The following ALLC variants were observed in gnomAD, a reference collection of about 807,000 sequenced individuals.
The protein encoded by ALLC is allantoicase.
ALLC carries 40 observed loss-of-function variants against 45.0 expected under a neutral mutation model. That is an observed-to-expected ratio of 0.89 (90% CI 0.69 to 1.16). The LOEUF (loss-of-function observed/expected upper bound fraction) is 1.16, where lower values mean the gene tolerates loss of function less well. Ranked by LOEUF, ALLC falls within the 50% of genes most tolerant of loss-of-function variation. ALLC has a pLI of 0.00. For missense variants in ALLC, 488 were observed against 493.1 expected, an observed-to-expected ratio of 0.99 and a Z score of 0.10; for synonymous variants, 176 against 178.1, an observed-to-expected ratio of 0.99 and a Z score of 0.09.
In ALLC at chr2:3,678,635, G is replaced by T. The variant is rs1373538229; in HGVS notation, c.172+80G>T. On this transcript the variant is annotated intron_variant, in intron 4 of 11. Coordinates refer to ENST00000252505, the MANE Select transcript of ALLC (RefSeq NM_018436.4). ...GCAGGCTGTGGCAAAGCCAGTGTCC[G>T]TTTTGGGTCAGCTTTAACATGGGGC... 6 of 1,182,358 alleles carry T rather than the reference G, an allele frequency of 5.1e-6. No individual in the cohort carries two copies. The East Asian group carries it at 9.7e-5, about 19-fold the overall frequency. 73.2% of individuals were successfully genotyped at this position (1,182,358 alleles called of 1,614,324 possible).
chr2:3,659,613 C>T (rs1666519947), intron 1 of ALLC, among the ~76,000 whole-genome samples: 1 of 152,204 alleles, frequency 6.6e-6, no homozygotes. Context: ...GCCGAGGTCG[C>T]GTGGCTCCTT....
intron 10 of ALLC, among the ~76,000 whole-genome samples, chr2:3,700,360 C>A (rs1667792423): frequency 6.6e-6 from 1 of 152,112 alleles, no homozygotes; most frequent in African/African-American, 2.4e-5. Flanking sequence ...GGTGAAATGG[C>A]AGTTCTGGAT....
Position 3,702,448 on chromosome 2 carries a change from C to T in ALLC, c.1061C>T (p.Pro354Leu). Residue 354 changes from proline to leucine, a missense_variant, in exon 12 of 12, where the codon CCC (proline) becomes CTC (leucine). Pro to Leu is a moderately conservative substitution (Grantham distance 98). Coordinates refer to ENST00000252505, the MANE Select transcript of ALLC (RefSeq NM_018436.4). ...VITHARLTIV[P>L]DGGVSRLRLR... Reference sequence around the variant, plus strand: ...ACTCACGCCAGGCTCACCATCGTCCCCGACGGGGGAGTGAGCCGCCTTCGG... The same window carrying T: ...ACTCACGCCAGGCTCACCATCGTCCTCGACGGGGGAGTGAGCCGCCTTCGG... 6.2e-7 allele frequency: 1 copy of T among 1,612,962 alleles called. No individual in the cohort carries two copies. The highest frequency in any genetic ancestry group is 1.6e-4 in the Middle Eastern group (1 of 6,062).
At chr2:3,670,515 G>C (rs1221947663) in intron 1 of ALLC, among the ~76,000 whole-genome samples, 1 of 152,118 alleles carries the variant, frequency 6.6e-6, no homozygotes. Context: ...GCTAAGTCCC[G>C]TGTTAGGACC....
At chr2:3,657,633 C>A (rs1454882081), upstream of ALLC, among the ~76,000 whole-genome samples, 2 of 152,062 alleles carry the variant, frequency 1.3e-5, no homozygotes, top group Non-Finnish European at 2.9e-5. Context: ...TTTCTTTCTG[C>A]ATGGAAAGTT....
intron 10 of ALLC, among the ~76,000 whole-genome samples, chr2:3,699,683 A>G (rs977046280): frequency 3.3e-5 from 5 of 152,124 alleles, no homozygotes; most frequent in African/African-American, 1.2e-4. Flanking sequence ...TGATTTTTTC[A>G]TAACAGCCAT....
In ALLC at chr2:3,679,961, C is replaced by T. The variant is rs200659457; in HGVS notation, c.265C>T (p.Arg89Ter). 242 of 1,613,864 alleles carry T rather than the reference C, an allele frequency of 1.5e-4. 1 individual carries two copies. The African/African-American group carries it at 2.6e-3, about 17-fold the overall frequency. Reference sequence around the variant, plus strand: ...TTACTTCACGGGAGATTACGCTCCTCGAGTGTCCATTCAAGCAGCAAACTT... The same window carrying T: ...TTACTTCACGGGAGATTACGCTCCTTGAGTGTCCATTCAAGCAGCAAACTT... ...VSYFTGDYAPRVSIQAANLEE... is the reference protein window; with the variant it reads ...VSYFTGDYAP Residue 89 changes from arginine to a stop codon, truncating the protein, a stop_gained, in exon 5 of 12, where the codon CGA becomes TGA. Coordinates refer to ENST00000252505, the MANE Select transcript of ALLC (RefSeq NM_018436.4). LOFTEE classifies it high-confidence loss of function.
chr2:3,701,576 G>C lies in ALLC; in HGVS notation c.915G>C (p.Val305=). 1 of 1,607,762 alleles carries C rather than the reference G, an allele frequency of 6.2e-7. No homozygotes were observed. The highest frequency in any genetic ancestry group is 8.5e-7 in the Non-Finnish European group (1 of 1,177,168). ...TGACAACTCAGGAAGAAGAAGCCGT[G>C]ATCAGGCAAAAGTGGATTCTCCCGG... ...CILTTQEEEA[V]IRQKWILPAH... The change falls in exon 11 of 12, where the codon GTG becomes GTC. Residue 305 remains valine, a synonymous_variant. Coordinates refer to ENST00000252505, the MANE Select transcript of ALLC (RefSeq NM_018436.4).
At chr2:3,685,465 GAGAC>G (rs1244707352) in intron 7 of ALLC, among the ~76,000 whole-genome samples, 5 of 150,682 alleles carry the variant, frequency 3.3e-5, no homozygotes, top group Admixed American at 6.6e-5. Context: ...GAGAGAGACA[GAGAC>G]AGACAGACAG....
In ALLC at chr2:3,685,447, C is replaced by G. The variant is rs201065451; in HGVS notation, c.511+2373C>G. Among the ~76,000 whole-genome samples the G allele has an allele frequency of 2.4e-4, 35 of 148,164 alleles. 4 individuals carry two copies. Among genetic ancestry groups the G allele is most frequent in the Non-Finnish European group, 4.8e-4 (32 of 66,464 alleles). On this transcript the variant is annotated intron_variant, in intron 7 of 11. Transcript: ENST00000252505. ...CAGGATCGAGAGAGAGAGAGAGAGA[C>G]AGAGAGAGAGAGAGACAGAGACAGA... is the stretch of plus-strand genomic sequence containing the variant.
Position 3,684,763 on chromosome 2 carries a change from G to A in ALLC, c.511+1689G>A, listed in dbSNP as rs1240461622. ...TTTTATGGCTGCATAGTATTCCATGGTATATGTATATATACCATATTTTCT... is the reference window on the plus strand; with the variant it reads ...TTTTATGGCTGCATAGTATTCCATGATATATGTATATATACCATATTTTCT... On this transcript the variant is annotated intron_variant, in intron 7 of 11. Transcript: ENST00000252505. Among the ~76,000 whole-genome samples, 3 of 151,894 alleles carry A rather than the reference G, an allele frequency of 2.0e-5. No homozygotes were observed. The South Asian group carries it at 6.2e-4, about 32-fold the overall frequency.
intron 3 of ALLC, 150 bp from the exon 4 acceptor site, chr2:3,678,317 AG>A (rs1483238652): frequency 6.6e-6 from 4 of 610,570 alleles, no homozygotes; most frequent in African/African-American, 1.9e-5. Flanking sequence ...TCAATCTGGA[AG>A]GGGCTAGCTG....
chr2:3,672,636 G>T (rs900592919), intron 2 of ALLC, among the ~76,000 whole-genome samples: 2 of 139,140 alleles, frequency 1.4e-5, no homozygotes, highest in Non-Finnish European at 3.1e-5. Context: ...TCTGGCTCTG[G>T]TTAGATGGGA....
At chr2:3,700,952 T>G (rs952271888) in intron 10 of ALLC, among the ~76,000 whole-genome samples, 4 of 152,170 alleles carry the variant, frequency 2.6e-5, no homozygotes, top group African/African-American at 9.7e-5. Flanking sequence ...CTAACCCCAC[T>G]GAGCCCACGA....
At chr2:3,651,429 GTGTGTGTGTGTGT>G in the ALLC span, among the ~76,000 whole-genome samples, 10 of 59,914 alleles carry the variant, frequency 1.7e-4, no homozygotes, top group South Asian at 8.0e-4. Flanking sequence ...GTGTGTGTGT[GTGTGTGTGTGTGT>G]TAGGAAGGGA....
chr2:3,668,470 G>T (rs1442073165), intron 1 of ALLC, among the ~76,000 whole-genome samples: 1 of 151,370 alleles, frequency 6.6e-6, no homozygotes, highest in East Asian at 1.9e-4. Context: ...GGACACATGT[G>T]TTGGGGATAT....
rs570132446 is a variant in ALLC, at chr2:3,676,999, G to T, written c.85-1469G>T. ...GAGGGGGTTTCACCATGTTGGCCAGGCTGGTCTCGAACTCCTGACCTCAGG... is the reference window on the plus strand; with the variant it reads ...GAGGGGGTTTCACCATGTTGGCCAGTCTGGTCTCGAACTCCTGACCTCAGG... On this transcript the variant is annotated intron_variant, in intron 3 of 11. Transcript: ENST00000252505. Among the ~76,000 whole-genome samples, 4 of 152,290 alleles carry T rather than the reference G, an allele frequency of 2.6e-5. No individual in the cohort carries two copies. The East Asian group carries it at 7.7e-4, about 29-fold the overall frequency.
chr2:3,655,160 T>C (rs533784049), upstream of ALLC, among the ~76,000 whole-genome samples: 5 of 152,246 alleles, frequency 3.3e-5, no homozygotes, highest in Non-Finnish European at 7.3e-5. Context: ...CAGCTGCTCC[T>C]TCAGGGCAAT....
At chr2:3,673,860 C>T (rs1179205702) in intron 2 of ALLC, among the ~76,000 whole-genome samples, 1 of 151,816 alleles carries the variant, frequency 6.6e-6, no homozygotes, top group South Asian at 2.1e-4. Context: ...AAAGGAGAAT[C>T]GGAAAAAAGG....
Sources: gnomAD v4.1 joint callset for allele counts (sites outside exome capture counted in the v4.1 genomes callset) on GRCh38, gnomAD v4.1.1 for gene constraint, MANE v1.5 for transcripts, NCBI Gene and HGNC (gene_info 2026-07-23, HGNC 2026-07-21) for gene names.